GPC6: variants seen among roughly 807,000 people sequenced by gnomAD.
GPC6 encodes the protein glypican-6.
In GPC6, 14 loss-of-function variants were observed where a neutral mutation model predicts 55.2. The ratio of observed to expected loss-of-function variants is 0.25; its 90% CI spans 0.17 to 0.40. The LOEUF is 0.40. Among genes scored for constraint, GPC6 ranks in the 10% least tolerant of loss-of-function variants. The pLI is 1.00. For synonymous variants in GPC6, 278 were observed against 259.6 expected (o/e 1.07, Z -0.68); for missense variants, 641 against 708.5 (o/e 0.90, Z 1.08).
intron 2 of GPC6, among the ~76,000 whole-genome samples, chr13:93,779,853 A>G (rs964038004): frequency 6.6e-6 from 1 of 152,168 alleles, no homozygotes; most frequent in African/African-American, 2.4e-5. Context: ...CTTCCACTCT[A>G]TAAAGAAAGA....
intron 4 of GPC6, among the ~76,000 whole-genome samples, chr13:94,067,550 G>A (rs1382966333): frequency 1.3e-5 from 2 of 151,332 alleles, no homozygotes; most frequent in Non-Finnish European, 2.9e-5. Context: ...AATATTCACT[G>A]GAGTCCATGA....
At chr13:93,350,494 G>C (rs1257023554) in intron 1 of GPC6, among the ~76,000 whole-genome samples, 1 of 152,072 alleles carries the variant, frequency 6.6e-6, no homozygotes, top group Non-Finnish European at 1.5e-5. Flanking sequence ...AAATATTTTG[G>C]TTACAGAGTC....
At chr13:94,107,986 T>C (rs943251087) in intron 4 of GPC6, among the ~76,000 whole-genome samples, 8 of 152,196 alleles carry the variant, frequency 5.3e-5, no homozygotes, top group Admixed American at 4.6e-4. Context: ...TGGACATTCC[T>C]TAAATAACTA....
At chr13:94,365,021 A>G (rs1215095570) in intron 6 of GPC6, among the ~76,000 whole-genome samples, 1 of 152,168 alleles carries the variant, frequency 6.6e-6, no homozygotes, top group Admixed American at 6.5e-5. Flanking sequence ...ACAACCAAAA[A>G]CCAGGCATTG....
chr13:94,070,464 A>G (rs1252127791), intron 4 of GPC6, among the ~76,000 whole-genome samples: 2 of 152,140 alleles, frequency 1.3e-5, no homozygotes, highest in Non-Finnish European at 2.9e-5. Context: ...ATTGTATTCC[A>G]CTAGATGGAG....
chr13:93,667,144 G>A lies in GPC6; in HGVS notation c.319+121723G>A, dbSNP rs148085621. Among the ~76,000 whole-genome samples, 953 of 152,130 alleles carry A rather than the reference G, an allele frequency of 6.3e-3. 7 individuals are homozygous for A. The highest frequency in any genetic ancestry group is 0.011 in the Non-Finnish European group (771 of 67,966). Reference sequence around the variant, plus strand: ...TTTGGTCAAAATACAGATCTATTTTGGTATGTGGCTAAAAGTAGCTTAAAT... The same window carrying A: ...TTTGGTCAAAATACAGATCTATTTTAGTATGTGGCTAAAAGTAGCTTAAAT... On this transcript the variant is annotated intron_variant, in intron 2 of 8. Coordinates refer to ENST00000377047, the MANE Select transcript of GPC6 (RefSeq NM_005708.5).
chr13:93,643,492 A>G (rs1273060418), intron 2 of GPC6, among the ~76,000 whole-genome samples: 1 of 152,158 alleles, frequency 6.6e-6, no homozygotes, highest in Non-Finnish European at 1.5e-5. Context: ...TAGGCTGAAC[A>G]GAGGTAGGCA....
chr13:93,274,726 G>A (rs1322999832), intron 1 of GPC6, among the ~76,000 whole-genome samples: 1 of 152,018 alleles, frequency 6.6e-6, no homozygotes, highest in African/African-American at 2.4e-5. Context: ...CTATCAGAAT[G>A]GTTTAATGTA....
At chr13:93,735,597 T>C (rs1157315443) in intron 2 of GPC6, among the ~76,000 whole-genome samples, 1 of 152,088 alleles carries the variant, frequency 6.6e-6, no homozygotes, top group East Asian at 1.9e-4. Flanking sequence ...TCATCTTTGA[T>C]CAATCTTTGC....
At chr13:93,696,445 T>C (rs1008048669) in intron 2 of GPC6, among the ~76,000 whole-genome samples, 2 of 152,126 alleles carry the variant, frequency 1.3e-5, no homozygotes, top group Non-Finnish European at 2.9e-5. Flanking sequence ...ATTTGGACTA[T>C]TTTAATACAC....
At chr13:93,390,064 T>C (rs1169552328) in intron 1 of GPC6, among the ~76,000 whole-genome samples, 1 of 151,792 alleles carries the variant, frequency 6.6e-6, no homozygotes, top group Non-Finnish European at 1.5e-5. Flanking sequence ...GATCTCTTAA[T>C]ATGGGGATAT....
intron 2 of GPC6, among the ~76,000 whole-genome samples, chr13:93,586,639 A>G (rs781215472): frequency 9.9e-5 from 15 of 152,224 alleles, no homozygotes; most frequent in Non-Finnish European, 7.3e-5. Context: ...ACCTAAATGT[A>G]AAACCTCAAA....
chr13:94,241,956 A>T (rs1891066189), intron 4 of GPC6, among the ~76,000 whole-genome samples: 1 of 151,662 alleles, frequency 6.6e-6, no homozygotes, highest in South Asian at 2.1e-4. Flanking sequence ...TTTAGGGTAC[A>T]TGTGCACAAC....
intron 4 of GPC6, among the ~76,000 whole-genome samples, chr13:94,080,027 G>A (rs1226453462): frequency 6.6e-6 from 1 of 152,134 alleles, no homozygotes; most frequent in East Asian, 1.9e-4. Context: ...GATACCATGT[G>A]TTCTACACTT....
At chr13:94,158,378 T>TC (rs1888030582) in intron 4 of GPC6, among the ~76,000 whole-genome samples, 1 of 47,286 alleles carries the variant, frequency 2.1e-5, no homozygotes, top group South Asian at 7.0e-4. Flanking sequence ...TTGATGATGC[T>TC]TTAAAAAAAA....
intron 1 of GPC6, among the ~76,000 whole-genome samples, chr13:93,406,514 C>T (rs1876295952): frequency 6.6e-6 from 1 of 152,148 alleles, no homozygotes; most frequent in East Asian, 1.9e-4. Context: ...TAATTTACTT[C>T]TATAAGTAAA....
At chr13:93,512,346 TTCTG>T (rs904268308) in intron 1 of GPC6, among the ~76,000 whole-genome samples, 2 of 152,088 alleles carry the variant, frequency 1.3e-5, no homozygotes, top group African/African-American at 4.8e-5. Context: ...TTGAGGTGTG[TTCTG>T]TCTATGTTTA....
At chr13:94,330,420 G>T (rs1877350987) in intron 6 of GPC6, among the ~76,000 whole-genome samples, 3 of 152,150 alleles carry the variant, frequency 2.0e-5, no homozygotes, top group Non-Finnish European at 1.5e-5. Context: ...CTCGTATTTA[G>T]AGATGTTGAT....
chr13:93,598,368 C>T (rs1158733677), intron 2 of GPC6, among the ~76,000 whole-genome samples: 1 of 152,122 alleles, frequency 6.6e-6, no homozygotes, highest in Non-Finnish European at 1.5e-5. Flanking sequence ...AAATCTTTCA[C>T]TTTGTTACTC....
Sources: allele counts gnomAD v4.1 joint callset (sites outside exome capture counted in the v4.1 genomes callset), GRCh38; gene constraint gnomAD v4.1.1; transcripts MANE v1.5; gene names NCBI Gene and HGNC (gene_info 2026-07-23, HGNC 2026-07-21).